The following SLC25A13 variants were observed in gnomAD, a reference collection of about 807,000 sequenced individuals.
SLC25A13 encodes electrogenic aspartate/glutamate antiporter SLC25A13, mitochondrial.
A neutral mutation model predicts 85.5 loss-of-function variants in SLC25A13; 70 were observed. The ratio of observed to expected loss-of-function variants is 0.82; its 90% confidence interval spans 0.68 to 1.00. The LOEUF (loss-of-function observed/expected upper bound fraction) is 1.00, where lower values mean the gene tolerates loss of function less well. Ranked by LOEUF, SLC25A13 falls within the 50% of genes least tolerant of loss-of-function variation. The pLI, the probability that SLC25A13 is intolerant of heterozygous loss-of-function variation, is 0.00. For synonymous variants in SLC25A13, 259 were observed against 288.7 expected (o/e 0.90, Z 1.04); for missense variants, 765 against 819.8 (o/e 0.93, Z 0.82).
intron 11 of SLC25A13, among the ~76,000 whole-genome samples, chr7:96,181,836 C>A (rs963440613): frequency 4.6e-5 from 7 of 152,142 alleles, no homozygotes; most frequent in Non-Finnish European, 8.8e-5. Context: ...AGCAGCAATA[C>A]TATATTTTCC....
At chr7:96,239,649 T>G (rs1796890594) in intron 3 of SLC25A13, among the ~76,000 whole-genome samples, 1 of 152,136 alleles carries the variant, frequency 6.6e-6, no homozygotes, top group African/African-American at 2.4e-5. Flanking sequence ...GAACTAATAG[T>G]AGAACATGGG....
intron 1 of SLC25A13, among the ~76,000 whole-genome samples, chr7:96,321,508 T>C (rs1800339660): frequency 6.6e-6 from 1 of 152,084 alleles, no homozygotes; most frequent in South Asian, 2.1e-4. Flanking sequence ...AGGATCAGGC[T>C]TCAGCCCGGG....
intron 1 of SLC25A13, among the ~76,000 whole-genome samples, chr7:96,297,479 G>A (rs980967387): frequency 6.6e-6 from 1 of 151,854 alleles, no homozygotes; most frequent in Non-Finnish European, 1.5e-5. Context: ...GATTGCAGGC[G>A]CGTACTACCA....
intron 14 of SLC25A13, among the ~76,000 whole-genome samples, chr7:96,134,372 T>C (rs1792173261): frequency 6.6e-6 from 1 of 152,046 alleles, no homozygotes; most frequent in South Asian, 2.1e-4. Context: ...TATTATTTGT[T>C]GGGAATGTAA....
intron 2 of SLC25A13, among the ~76,000 whole-genome samples, chr7:96,294,582 C>T (rs1456229524): frequency 6.8e-6 from 1 of 147,468 alleles, no homozygotes; most frequent in Non-Finnish European, 1.5e-5. Flanking sequence ...GCACTCCAGC[C>T]TGGGAGACAC....
chr7:96,134,423 CATT>C (rs1353959462), intron 14 of SLC25A13, among the ~76,000 whole-genome samples: 1 of 151,902 alleles, frequency 6.6e-6, no homozygotes, highest in Non-Finnish European at 1.5e-5. Flanking sequence ...TGTATTGAAA[CATT>C]AAAGTTTAAA....
At chr7:96,241,960 C>T (rs146278483) in intron 3 of SLC25A13, among the ~76,000 whole-genome samples, 45 of 152,298 alleles carry the variant, frequency 3.0e-4, no homozygotes, top group Non-Finnish European at 2.8e-4. Flanking sequence ...TGGCTCCTAT[C>T]TCCAGGCCAA....
intron 2 of SLC25A13, among the ~76,000 whole-genome samples, chr7:96,287,816 A>G (rs1435835196): frequency 6.6e-6 from 1 of 152,218 alleles, no homozygotes; most frequent in African/African-American, 2.4e-5. Flanking sequence ...GAAGTAACAG[A>G]TAGGTCCTCG....
At chr7:96,189,049 G>A (rs532042865) in intron 9 of SLC25A13, among the ~76,000 whole-genome samples, 1 of 152,288 alleles carries the variant, frequency 6.6e-6, no homozygotes, top group South Asian at 2.1e-4. Context: ...GGAGCATTAG[G>A]CTTCTGGTGC....
intron 2 of SLC25A13, among the ~76,000 whole-genome samples, chr7:96,290,113 C>A (rs1799057432): frequency 6.6e-6 from 1 of 152,110 alleles, no homozygotes; most frequent in Non-Finnish European, 1.5e-5. Context: ...AGAGTGGGGG[C>A]CAATATTCAA....
rs1203960771 is a variant in SLC25A13 at position 96,277,200 on chromosome 7, C to T, written c.208G>A (p.Asp70Asn). Residue 70 changes from aspartate to asparagine, a missense_variant, in exon 3 of 18, where the codon GAT (aspartate) becomes AAT (asparagine). Asp to Asn is a conservative substitution (Grantham distance 23). Coordinates refer to ENST00000265631, the MANE Select transcript of SLC25A13 (RefSeq NM_014251.3). ...LLSGVVDQTK[D>N]GLISFQEFVA... ...AATAATTAAAAATAAACATACCCAT[C>T]TTTGGTCTGATCCACCACTCCACTT... 1.9e-6 allele frequency: 3 copies of T among 1,585,082 alleles called. No homozygotes were observed. Among genetic ancestry groups the T allele is most frequent in the Non-Finnish European group, 2.6e-6 (3 of 1,164,150 alleles).
In SLC25A13 at chr7:96,211,747, C is replaced by T. The variant is rs1795705871; in HGVS notation, c.329-2770G>A. 2.0e-5 allele frequency among the ~76,000 whole-genome samples: 3 copies of T among 152,178 alleles called. No individual in the cohort carries two copies. The South Asian group carries it at 6.2e-4, about 32-fold the overall frequency. The stretch of plus-strand genomic sequence containing the variant: ...ACAGCGGTATTAACCCTTTGGGGCA[C>T]TACAGTTTCCCTTGCTGAGAAACTA... On this transcript the variant is annotated intron_variant, in intron 4 of 17. Transcript: ENST00000265631.
At chr7:96,317,758 ATTTATTTTATTCTAT>A (rs1405371692) in intron 1 of SLC25A13, among the ~76,000 whole-genome samples, 1 of 150,628 alleles carries the variant, frequency 6.6e-6, no homozygotes, top group Admixed American at 6.6e-5. Flanking sequence ...AATTCATTTT[ATTTATTTTATTCTAT>A]TTTATTTTAT....
chr7:96,316,530 A>G (rs1266608545), intron 1 of SLC25A13, among the ~76,000 whole-genome samples: 22 of 152,190 alleles, frequency 1.4e-4, no homozygotes, highest in Non-Finnish European at 3.2e-4. Flanking sequence ...AGAGCAGCGC[A>G]GAGGTTAAGA....
chr7:96,238,652 C>T (rs1002894829), intron 3 of SLC25A13, among the ~76,000 whole-genome samples: 8 of 152,210 alleles, frequency 5.3e-5, no homozygotes, highest in Admixed American at 1.3e-4. Context: ...CTTCTGAAGC[C>T]GGACAGAAGA....
At chr7:96,199,712 G>A (rs1795184496) in intron 5 of SLC25A13, among the ~76,000 whole-genome samples, 1 of 152,036 alleles carries the variant, frequency 6.6e-6, no homozygotes, top group South Asian at 2.1e-4. Flanking sequence ...TAATGCAACA[G>A]GCTTTTATTG....
intron 11 of SLC25A13, among the ~76,000 whole-genome samples, chr7:96,177,224 T>C (rs1052301658): frequency 6.6e-6 from 1 of 152,194 alleles, no homozygotes; most frequent in Non-Finnish European, 1.5e-5. Context: ...TATGCCTATC[T>C]TAGAACAGCT....
intron 13 of SLC25A13, among the ~76,000 whole-genome samples, chr7:96,158,257 G>A (rs917417159): frequency 6.6e-6 from 1 of 152,050 alleles, no homozygotes; most frequent in Non-Finnish European, 1.5e-5. Flanking sequence ...GCCTTCTTAC[G>A]CCTCCCAACC....
chr7:96,167,900 C>T lies in SLC25A13; in HGVS notation c.1311+2145G>A, dbSNP rs538019195. Reference sequence around the variant, plus strand: ...GGATCACGAGGTCAGGAGATTGAGACCATCCTGGCCAACATGGTGAAACCT... The same window carrying T: ...GGATCACGAGGTCAGGAGATTGAGATCATCCTGGCCAACATGGTGAAACCT... On this transcript the variant is annotated intron_variant, in intron 13 of 17. Coordinates refer to ENST00000265631, the MANE Select transcript of SLC25A13 (RefSeq NM_014251.3). Among the ~76,000 whole-genome samples the T allele has an allele frequency of 5.9e-5, 9 of 152,062 alleles. No homozygotes were observed. The South Asian group carries it at 1.9e-3, about 32-fold the overall frequency.
Sources: gnomAD v4.1 joint callset for allele counts (sites outside exome capture counted in the v4.1 genomes callset) on GRCh38, gnomAD v4.1.1 for gene constraint, MANE v1.5 for transcripts, NCBI Gene and HGNC (gene_info 2026-07-23, HGNC 2026-07-21) for gene names.